UBE2H: variants seen among roughly 807,000 people sequenced by gnomAD.
UBE2H encodes the protein ubiquitin-conjugating enzyme E2 H.
Under a neutral mutation model 29.0 loss-of-function variants are expected in UBE2H, and 3 were observed. That is an observed-to-expected ratio of 0.10 (90% CI 0.05 to 0.27). The LOEUF (loss-of-function observed/expected upper bound fraction) is 0.27. UBE2H is among the 10% of genes least tolerant of loss of function. The pLI is 1.00. For synonymous variants in UBE2H, 69 were observed against 82.9 expected, an observed-to-expected ratio of 0.83 and a Z score of 0.91; for missense variants, 68 against 228.2, an observed-to-expected ratio of 0.30 and a Z score of 4.52.
chr7:129,858,776 G>A lies in UBE2H; in HGVS notation c.245+126C>T. The A allele has an allele frequency of 1.5e-5, 12 of 779,126 alleles. No individual in the cohort carries two copies. The South Asian group carries it at 1.6e-4, about 11-fold the overall frequency. 48.3% of individuals were successfully genotyped at this position (779,126 alleles called of 1,614,324 possible). A position where few individuals can be genotyped will look rare whatever the true frequency, so the allele number is the denominator to read the frequency against. On this transcript the variant is annotated intron_variant, in intron 4 of 6. Coordinates refer to ENST00000355621, the MANE Select transcript of UBE2H (RefSeq NM_003344.4). Reference sequence around the variant, plus strand: ...ATCCTTTGGATTCTATCATTTACATGACCATTCATACAGTCCTACCTCCTG... The same window carrying A: ...ATCCTTTGGATTCTATCATTTACATAACCATTCATACAGTCCTACCTCCTG...
rs1269380529 is a variant in UBE2H at position 129,861,627 on chromosome 7, C to G, written c.206-2686G>C. The stretch of plus-strand genomic sequence containing the variant: ...ATAGTATCAGCTGGCCACAGTGGCT[C>G]TCGCCCGTAATCCCAACACTTTGGG... On this transcript the variant is annotated intron_variant, in intron 3 of 6. Transcript: ENST00000355621. 5.3e-5 allele frequency among the ~76,000 whole-genome samples: 8 copies of G among 152,222 alleles called. No individual in the cohort carries two copies. In the South Asian group the frequency reaches 1.7e-3, roughly 32 times the overall value.
At chr7:129,915,729 A>C (rs1449004238) in intron 1 of UBE2H, among the ~76,000 whole-genome samples, 2 of 152,148 alleles carry the variant, frequency 1.3e-5, no homozygotes, top group Admixed American at 1.3e-4. Context: ...CTGTGGCCAA[A>C]GCAAAAGCAA....
At chr7:129,894,521 C>A (rs965994823) in intron 1 of UBE2H, among the ~76,000 whole-genome samples, 1 of 111,342 alleles carries the variant, frequency 9.0e-6, no homozygotes, top group Non-Finnish European at 1.8e-5. Context: ...AGTTTTTGCT[C>A]TTGTTGCCCA....
At chr7:129,872,625 TGAGGTCAGGCATTTAA>T (rs2116351678) in intron 3 of UBE2H, among the ~76,000 whole-genome samples, 1 of 152,058 alleles carries the variant, frequency 6.6e-6, no homozygotes, top group Admixed American at 6.5e-5. Flanking sequence ...GTGGATCACC[TGAGGTCAGGCATTTAA>T]GACCAGCCTG....
At chr7:129,928,772 T>A (rs112598660) in intron 1 of UBE2H, among the ~76,000 whole-genome samples, 3 of 151,962 alleles carry the variant, frequency 2.0e-5, no homozygotes, top group African/African-American at 7.2e-5. Flanking sequence ...GCCATAAATA[T>A]GTCAATTAAA....
intron 1 of UBE2H, among the ~76,000 whole-genome samples, chr7:129,896,633 G>A (rs1050489731): frequency 1.3e-5 from 2 of 152,064 alleles, no homozygotes; most frequent in African/African-American, 4.8e-5. Context: ...TCAATCTACT[G>A]GTCTCGAGTG....
chr7:129,839,978 G>C (rs1020537348), intron 5 of UBE2H, among the ~76,000 whole-genome samples: 4 of 152,170 alleles, frequency 2.6e-5, no homozygotes, highest in African/African-American at 9.7e-5. Context: ...CCAAAGTGCT[G>C]GGATTACAGG....
intron 1 of UBE2H, among the ~76,000 whole-genome samples, chr7:129,881,716 TCTC>T (rs1343784859): frequency 6.6e-6 from 1 of 152,084 alleles, no homozygotes; most frequent in African/African-American, 2.4e-5. Flanking sequence ...CTTTCTACCC[TCTC>T]CTCCTCAATC....
chr7:129,838,989 T>C (rs962116691), intron 6 of UBE2H, among the ~76,000 whole-genome samples: 13 of 152,228 alleles, frequency 8.5e-5, no homozygotes, highest in Admixed American at 5.9e-4. Flanking sequence ...ACGTAAACTG[T>C]TTTAAGGATG....
At chr7:129,913,452 G>C (rs1806980751) in intron 1 of UBE2H, among the ~76,000 whole-genome samples, 2 of 152,054 alleles carry the variant, frequency 1.3e-5, no homozygotes, top group Admixed American at 1.3e-4. Context: ...CTGATCTTTT[G>C]TAATAGAAGA....
At chr7:129,871,245 T>G (rs2727467) in intron 3 of UBE2H, among the ~76,000 whole-genome samples, 144,096 of 152,298 alleles carry the variant, frequency 0.95, 68,567 homozygotes, top group East Asian at 1. Flanking sequence ...GGATGATGTA[T>G]GCCACAGCCA....
At chr7:129,886,400 C>A (rs1456270882) in intron 1 of UBE2H, among the ~76,000 whole-genome samples, 1 of 152,122 alleles carries the variant, frequency 6.6e-6, no homozygotes, top group Non-Finnish European at 1.5e-5. Flanking sequence ...ACATTCTTGG[C>A]AAAATGTGTC....
intron 1 of UBE2H, among the ~76,000 whole-genome samples, chr7:129,898,048 G>T (rs568608928): frequency 1.2e-3 from 188 of 151,990 alleles, no homozygotes; most frequent in Middle Eastern, 6.8e-3. Context: ...ATAAGCAAAA[G>T]AAATGAATTA....
At chr7:129,861,552 G>A (rs1360890526) in intron 3 of UBE2H, among the ~76,000 whole-genome samples, 2 of 152,076 alleles carry the variant, frequency 1.3e-5, no homozygotes, top group East Asian at 3.9e-4. Context: ...TTTCTACAAT[G>A]TGTAATTTTA....
chr7:129,849,344 G>C (rs2116293714), intron 5 of UBE2H, among the ~76,000 whole-genome samples: 1 of 152,320 alleles, frequency 6.6e-6, no homozygotes, highest in Admixed American at 6.5e-5. Flanking sequence ...TTGGGAGGCT[G>C]AGGCGGGCAG....
At chr7:129,922,640 C>T (rs1303854834) in intron 1 of UBE2H, among the ~76,000 whole-genome samples, 1 of 152,156 alleles carries the variant, frequency 6.6e-6, no homozygotes, top group Non-Finnish European at 1.5e-5. Context: ...ACAGTATTTG[C>T]AAATTATAAA....
intron 3 of UBE2H, among the ~76,000 whole-genome samples, chr7:129,860,921 G>A (rs1805788936): frequency 2.0e-5 from 3 of 152,084 alleles, no homozygotes. Context: ...GGAAACAGTG[G>A]TTAAAAATGA....
chr7:129,910,583 G>C (rs144428437), intron 1 of UBE2H, among the ~76,000 whole-genome samples: 94 of 152,182 alleles, frequency 6.2e-4, no homozygotes, highest in Middle Eastern at 3.4e-3. Context: ...TTTTAGGCAA[G>C]AAGTAGCATA....
chr7:129,871,521 C>T (rs1806029820), intron 3 of UBE2H, among the ~76,000 whole-genome samples: 1 of 152,094 alleles, frequency 6.6e-6, no homozygotes, highest in Admixed American at 6.6e-5. Flanking sequence ...TCGACACCAG[C>T]CTGGGCAACA....
Sources: allele counts gnomAD v4.1 joint callset (sites outside exome capture counted in the v4.1 genomes callset), GRCh38; gene constraint gnomAD v4.1.1; transcripts MANE v1.5; gene names NCBI Gene and HGNC (gene_info 2026-07-23, HGNC 2026-07-21).